The following TPP2 variants were observed in gnomAD, a reference collection of about 807,000 sequenced individuals.
TPP2 encodes the protein tripeptidyl peptidase 2.
Under a neutral mutation model 155.9 loss-of-function variants are expected in TPP2, and 34 were observed. The ratio of observed to expected loss-of-function variants is 0.22; its 90% CI spans 0.17 to 0.29. The LOEUF (loss-of-function observed/expected upper bound fraction) is 0.29. Ranked by LOEUF, TPP2 falls within the 10% of genes least tolerant of loss-of-function variation. The pLI is 1.00. For synonymous variants in TPP2, 510 were observed against 529.4 expected (o/e 0.96, Z 0.50); for missense variants, 1,028 against 1,522.3 (o/e 0.68, Z 5.40).
Position 102,627,094 on chromosome 13 carries a change from T to A in TPP2, c.867T>A (p.Ala289=). Residue 289 remains alanine, a synonymous_variant, in exon 7 of 30, where the codon GCT becomes GCA. Coordinates refer to ENST00000376052, the MANE Select transcript of TPP2 (RefSeq NM_001330588.2). ...AACGGAATGGGGTAGCTCCTGGTGC[T>A]CAAATTCTTTCCATCAAGATTGGTG... ...EPERNGVAPG[A]QILSIKIGDT... is the part of the protein sequence containing the mutation. 6.2e-7 allele frequency: 1 copy of A among 1,600,682 alleles called. No homozygotes were observed. Among genetic ancestry groups the A allele is most frequent in the Non-Finnish European group, 8.5e-7 (1 of 1,173,502 alleles).
At chr13:102,660,954 T>C (rs1020610088) in intron 25 of TPP2, among the ~76,000 whole-genome samples, 10 of 152,134 alleles carry the variant, frequency 6.6e-5, no homozygotes, top group Admixed American at 3.3e-4. Context: ...AAGAATGAAG[T>C]TGGACCCTTG....
chr13:102,603,188 T>G (rs1879561953), intron 1 of TPP2, among the ~76,000 whole-genome samples: 2 of 152,252 alleles, frequency 1.3e-5, no homozygotes, highest in African/African-American at 4.8e-5. Context: ...TGTCTTGTAA[T>G]TCAGTAATGA....
chr13:102,669,214 G>A (rs1884809128), intron 27 of TPP2, among the ~76,000 whole-genome samples: 1 of 152,176 alleles, frequency 6.6e-6, no homozygotes, highest in African/African-American at 2.4e-5. Context: ...TAAGGCTTCT[G>A]CCAGTAGTGT....
At chr13:102,675,709 T>C (rs892044946) in intron 28 of TPP2, among the ~76,000 whole-genome samples, 1 of 152,202 alleles carries the variant, frequency 6.6e-6, no homozygotes, top group Non-Finnish European at 1.5e-5. Flanking sequence ...ATGCATTCTA[T>C]TACCTGTTTA....
chr13:102,621,193 T>A (rs1881135360), intron 5 of TPP2, among the ~76,000 whole-genome samples: 1 of 152,240 alleles, frequency 6.6e-6, no homozygotes, highest in Admixed American at 6.5e-5. Flanking sequence ...ATTCCAATGA[T>A]GGTGGTTATA....
chr13:102,650,522 G>A (rs1452872477), intron 23 of TPP2, among the ~76,000 whole-genome samples: 1 of 152,112 alleles, frequency 6.6e-6, no homozygotes, highest in Non-Finnish European at 1.5e-5. Flanking sequence ...TAAATCAATA[G>A]TTAATGGTTT....
At chr13:102,671,214 C>T (rs1279458587) in intron 27 of TPP2, among the ~76,000 whole-genome samples, 4 of 152,236 alleles carry the variant, frequency 2.6e-5, no homozygotes, top group South Asian at 2.1e-4. Flanking sequence ...CAGGAATTGC[C>T]GCTGGGGAAG....
intron 4 of TPP2, 33 bp downstream of exon 4, chr13:102,616,533 C>A: frequency 6.5e-7 from 1 of 1,539,030 alleles, no homozygotes; most frequent in South Asian, 1.2e-5. Flanking sequence ...TAAACATTAC[C>A]CTAGAACCAT....
chr13:102,646,282 T>C lies in TPP2; in HGVS notation c.2394-12T>C, dbSNP rs930418093. 2 of 1,602,720 alleles carry C rather than the reference T, an allele frequency of 1.2e-6. No homozygotes were observed. The highest frequency in any genetic ancestry group is 1.7e-6 in the Non-Finnish European group (2 of 1,175,390). On this transcript the variant is annotated splice_polypyrimidine_tract_variant and intron_variant, in intron 19 of 29. Transcript: ENST00000376052. Reference sequence around the variant, plus strand: ...CTTGAATCAAACCAGTTATGTAGTTTCCTCATTACAGCCCAGTGAGTGCAA... The same window carrying C: ...CTTGAATCAAACCAGTTATGTAGTTCCCTCATTACAGCCCAGTGAGTGCAA...
intron 1 of TPP2, among the ~76,000 whole-genome samples, chr13:102,599,986 TAAA>T: frequency 7.0e-6 from 1 of 142,736 alleles, no homozygotes; most frequent in African/African-American, 2.6e-5. Flanking sequence ...TTAGATTCCT[TAAA>T]AAAAAAAAAA....
intron 5 of TPP2, among the ~76,000 whole-genome samples, chr13:102,621,354 A>G (rs904654634): frequency 6.6e-6 from 1 of 152,180 alleles, no homozygotes; most frequent in Non-Finnish European, 1.5e-5. Context: ...CATGGACTCT[A>G]GATTCCATGG....
At chr13:102,600,225 A>G (rs779134885) in intron 1 of TPP2, among the ~76,000 whole-genome samples, 1 of 151,986 alleles carries the variant, frequency 6.6e-6, no homozygotes, top group Non-Finnish European at 1.5e-5. Context: ...ACACTCACCT[A>G]GATGTTTCAG....
intron 2 of TPP2, among the ~76,000 whole-genome samples, chr13:102,606,346 C>T (rs774571186): frequency 2.0e-5 from 3 of 152,146 alleles, no homozygotes; most frequent in Non-Finnish European, 4.4e-5. Flanking sequence ...CTTGTGTATT[C>T]CTGTATTTAT....
At chr13:102,644,766 G>C in intron 18 of TPP2, 93 bp downstream of exon 18, 1 of 1,409,954 alleles carries the variant, frequency 7.1e-7, no homozygotes, top group South Asian at 1.3e-5. Context: ...TTAATGAGGG[G>C]AAATTACCTG....
intron 15 of TPP2, among the ~76,000 whole-genome samples, chr13:102,639,356 C>T (rs1246485439): frequency 1.3e-5 from 2 of 152,084 alleles, no homozygotes; most frequent in Admixed American, 1.3e-4. Context: ...ATGAGAAACA[C>T]AGGATGAAAT....
intron 1 of TPP2, among the ~76,000 whole-genome samples, chr13:102,600,398 C>T (rs572489826): frequency 6.6e-6 from 1 of 152,200 alleles, no homozygotes; most frequent in Admixed American, 6.5e-5. Flanking sequence ...CGCCCCCTCC[C>T]CCCACCACCT....
At chr13:102,672,906 GGCACTGTGCTGAGAA>G (rs1378166770) in intron 27 of TPP2, among the ~76,000 whole-genome samples, 1 of 152,180 alleles carries the variant, frequency 6.6e-6, no homozygotes, top group Non-Finnish European at 1.5e-5. Context: ...CAAGCTTTGA[GGCACTGTGCTGAGAA>G]GCACTGAGGG....
At chr13:102,615,260 C>T (rs781496865) in intron 3 of TPP2, among the ~76,000 whole-genome samples, 10 of 152,284 alleles carry the variant, frequency 6.6e-5, no homozygotes, top group East Asian at 1.9e-4. Context: ...CCTCAACCTC[C>T]TGGGCAATCC....
chr13:102,608,989 A>G (rs1880058529), intron 2 of TPP2, among the ~76,000 whole-genome samples: 1 of 152,168 alleles, frequency 6.6e-6, no homozygotes, highest in Non-Finnish European at 1.5e-5. Flanking sequence ...CCATAATATC[A>G]GTATACACTA....
Sources: gnomAD v4.1 joint callset for allele counts (sites outside exome capture counted in the v4.1 genomes callset) on GRCh38, gnomAD v4.1.1 for gene constraint, MANE v1.5 for transcripts, NCBI Gene and HGNC (gene_info 2026-07-23, HGNC 2026-07-21) for gene names.